SOCS2: variants seen among roughly 807,000 people sequenced by gnomAD.
SOCS2 encodes the protein suppressor of cytokine signaling 2, also known as CIS-2.
SOCS2 carries 10 observed loss-of-function variants against 18.6 expected under a neutral mutation model. The observed-to-expected ratio is 0.54, with a 90% CI of 0.33 to 0.91. The LOEUF is 0.91. Ranked by LOEUF, SOCS2 falls within the 40% of genes least tolerant of loss-of-function variation. The pLI is 0.02. For missense variants in SOCS2, 231 were observed against 247.2 expected, an observed-to-expected ratio of 0.93 and a Z score of 0.44; for synonymous variants, 104 against 104.0, an observed-to-expected ratio of 1.00 and a Z score of 0.00.
the SOCS2 span, among the ~76,000 whole-genome samples, chr12:93,608,088 T>G: frequency 6.6e-6 from 1 of 150,972 alleles, no homozygotes; most frequent in East Asian, 2.0e-4. Context: ...GCAGCCTTGA[T>G]CTCCTGAGCT....
chr12:93,623,022 A>T, the SOCS2 span, among the ~76,000 whole-genome samples: 1 of 152,194 alleles, frequency 6.6e-6, no homozygotes, highest in Non-Finnish European at 1.5e-5. Flanking sequence ...AAATTCAACA[A>T]GGATATTTAC....
At chr12:93,579,446 T>C (rs1286068291), downstream of SOCS2, among the ~76,000 whole-genome samples, 2 of 151,644 alleles carry the variant, frequency 1.3e-5, no homozygotes, top group Non-Finnish European at 2.9e-5. Flanking sequence ...ACTTTTGTTA[T>C]GGGCATTTTT....
the SOCS2 span, among the ~76,000 whole-genome samples, chr12:93,611,981 G>A: frequency 2.6e-5 from 4 of 151,886 alleles, no homozygotes; most frequent in Non-Finnish European, 4.4e-5. Flanking sequence ...CCCATCTACT[G>A]GTTATACTTT....
chr12:93,611,489 G>A, the SOCS2 span, among the ~76,000 whole-genome samples: 4 of 152,042 alleles, frequency 2.6e-5, no homozygotes, highest in Non-Finnish European at 4.4e-5. Context: ...CGCCTGCCTC[G>A]GCCTCCCAAA....
chr12:93,602,864 T>C, the SOCS2 span, among the ~76,000 whole-genome samples: 1 of 152,208 alleles, frequency 6.6e-6, no homozygotes, highest in Non-Finnish European at 1.5e-5. Flanking sequence ...AGTGAACTCA[T>C]ACAACTCACA....
chr12:93,589,976 G>A, the SOCS2 span, among the ~76,000 whole-genome samples: 2 of 152,150 alleles, frequency 1.3e-5, no homozygotes, highest in South Asian at 2.1e-4. Flanking sequence ...CTTCCAGGCC[G>A]GGTGTGGTGG....
At chr12:93,586,727 A>T (rs74957550), downstream of SOCS2, among the ~76,000 whole-genome samples, 5,482 of 152,146 alleles carry the variant, frequency 0.036, 279 homozygotes, top group African/African-American at 0.11. Flanking sequence ...GAAACTTTGC[A>T]TTATCTTTAA....
At chr12:93,578,100 G>A (rs557005296), downstream of SOCS2, among the ~76,000 whole-genome samples, 3 of 152,310 alleles carry the variant, frequency 2.0e-5, no homozygotes, top group South Asian at 6.2e-4. Flanking sequence ...GTGAGCAGTG[G>A]TGATTGCTTT....
the SOCS2 span, among the ~76,000 whole-genome samples, chr12:93,614,244 T>A: frequency 6.6e-6 from 1 of 152,178 alleles, no homozygotes; most frequent in African/African-American, 2.4e-5. Context: ...TTCAAACATA[T>A]CCTTGTTTTT....
At chr12:93,585,933 A>G (rs1954582254), downstream of SOCS2, among the ~76,000 whole-genome samples, 1 of 152,192 alleles carries the variant, frequency 6.6e-6, no homozygotes, top group Non-Finnish European at 1.5e-5. Context: ...ACCTTAAATC[A>G]TCTCTAAATT....
chr12:93,573,349 G>A, intron 1 of SOCS2: 1 of 505,712 alleles, frequency 2.0e-6, no homozygotes, highest in Non-Finnish European at 3.5e-6. Flanking sequence ...AACCCCGGCC[G>A]GGGAAAGCGT....
At chr12:93,571,864 A>T (rs1281951466), upstream of SOCS2, 1 of 405,982 alleles carries the variant, frequency 2.5e-6, no homozygotes, top group African/African-American at 2.4e-5. Flanking sequence ...ATGTCCGCTG[A>T]GGAGGCTGCC....
chr12:93,602,132 G>A, the SOCS2 span, among the ~76,000 whole-genome samples: 8 of 151,986 alleles, frequency 5.3e-5, no homozygotes, highest in African/African-American at 1.2e-4. Flanking sequence ...TTGCTGGGTC[G>A]GCCAGGCTGG....
chr12:93,591,158 G>T, the SOCS2 span, among the ~76,000 whole-genome samples: 1 of 151,594 alleles, frequency 6.6e-6, no homozygotes, highest in Non-Finnish European at 1.5e-5. Flanking sequence ...AATCCAGCTT[G>T]TTCGGGAGAC....
At chr12:93,597,121 G>A in the SOCS2 span, among the ~76,000 whole-genome samples, 1 of 152,308 alleles carries the variant, frequency 6.6e-6, no homozygotes, top group African/African-American at 2.4e-5. Context: ...TATAGCACAA[G>A]TAAACCAGAA....
At chr12:93,614,480 T>TTTCTTTCTTTCTTTCCTTCC in the SOCS2 span, among the ~76,000 whole-genome samples, 1 of 26,134 alleles carries the variant, frequency 3.8e-5, no homozygotes, top group African/African-American at 2.2e-4. Flanking sequence ...CCTTCCTTCC[T>TTTCTTTCTTTCTTTCCTTCC]TTCCTTCCTT....
At position 93,574,743 on chromosome 12, in the gene SOCS2, C is replaced by T; in HGVS notation, c.161C>T (p.Thr54Ile). 6.2e-7 allele frequency: 1 copy of T among 1,612,754 alleles called. No homozygotes were observed. The highest frequency in any genetic ancestry group is 8.5e-7 in the Non-Finnish European group (1 of 1,179,356). ...CCAGGATGGTACTGGGGAAGTATGA[C>T]TGTTAATGAAGCCAAAGAGAAATTA... is the stretch of plus-strand genomic sequence containing the variant. ...GQTGWYWGSM[T>I]VNEAKEKLKE... Residue 54 changes from threonine to isoleucine, a missense_variant, in exon 2 of 2, where the codon ACT becomes ATT. Coordinates refer to ENST00000551556, the MANE Select transcript of SOCS2 (RefSeq NM_001270471.2).
At chr12:93,614,609 T>C in the SOCS2 span, among the ~76,000 whole-genome samples, 38 of 126,514 alleles carry the variant, frequency 3.0e-4, no homozygotes, top group Non-Finnish European at 4.8e-4. Context: ...CTTTCTTTCT[T>C]TCTTTCTTTC....
At chr12:93,587,908 T>G (rs774363835), downstream of SOCS2, among the ~76,000 whole-genome samples, 1 of 152,102 alleles carries the variant, frequency 6.6e-6, no homozygotes, top group Non-Finnish European at 1.5e-5. Flanking sequence ...AGAGTTTGTA[T>G]TTTATGTGGG....
Sources: allele counts gnomAD v4.1 joint callset (sites outside exome capture counted in the v4.1 genomes callset), GRCh38; gene constraint gnomAD v4.1.1; transcripts MANE v1.5; gene names NCBI Gene and HGNC (gene_info 2026-07-23, HGNC 2026-07-21).